The following PHKA1 variants were observed in gnomAD, a reference collection of about 807,000 sequenced individuals.
The protein encoded by PHKA1 is phosphorylase kinase regulatory subunit alpha 1.
A neutral mutation model predicts 110.2 loss-of-function variants in PHKA1; 60 were observed. The observed-to-expected ratio is 0.54, with a 90% CI of 0.44 to 0.68. The LOEUF (loss-of-function observed/expected upper bound fraction) is 0.68, where lower values mean the gene tolerates loss of function less well. Ranked by LOEUF, PHKA1 falls within the 30% of genes least tolerant of loss-of-function variation. PHKA1 has a pLI of 0.00. For synonymous variants in PHKA1, 316 were observed against 333.6 expected (o/e 0.95, Z 0.58); for missense variants, 801 against 942.5 (o/e 0.85, Z 1.97).
chrX:72,708,258 A>G (rs2054319431), intron 2 of PHKA1, among the ~76,000 whole-genome samples: 1 of 111,693 alleles, frequency 9.0e-6, no homozygotes, highest in African/African-American at 3.3e-5. Flanking sequence ...TACTTGATTC[A>G]CAGGGTATTG....
chrX:72,707,520 G>A (rs782454671), intron 2 of PHKA1, among the ~76,000 whole-genome samples: 1 of 110,459 alleles, frequency 9.1e-6, no homozygotes, highest in East Asian at 2.8e-4. Context: ...CTGAGAAAAA[G>A]GGGCAGAGGC....
chrX:72,621,233 G>A (rs990180494), intron 18 of PHKA1, among the ~76,000 whole-genome samples: 1 of 111,684 alleles, frequency 9.0e-6, no homozygotes, highest in Admixed American at 9.5e-5. Context: ...TAGTAATGGT[G>A]GCAGGGATGG....
intron 29 of PHKA1, among the ~76,000 whole-genome samples, chrX:72,584,733 CT>C (rs1325452974): frequency 5.0e-4 from 51 of 101,125 alleles, no homozygotes; most frequent in African/African-American, 1.3e-3. Context: ...AAAAGTTTTC[CT>C]TTTTTTTTTA....
At chrX:72,601,066 G>A (rs1556242109) in intron 28 of PHKA1, among the ~76,000 whole-genome samples, 1 of 110,893 alleles carries the variant, frequency 9.0e-6, no homozygotes, top group Non-Finnish European at 1.9e-5. Context: ...GTTTTAAAAA[G>A]AAGCTATGGA....
intron 11 of PHKA1, 103 bp downstream of exon 11, chrX:72,653,329 GAAC>G (rs1324293840): frequency 9.1e-6 from 5 of 550,347 alleles, no homozygotes; most frequent in Non-Finnish European, 1.3e-5. Flanking sequence ...CAAGCTTTCA[GAAC>G]AACAAAATAA....
rs58258630 is a variant in PHKA1, at chrX:72,627,248, T to TAGAC, written c.1715-200_1715-199insGTCT. On this transcript the variant is annotated intron_variant, in intron 16 of 31. Transcript: ENST00000373542. The stretch of plus-strand genomic sequence containing the variant: ...GTAAATGGTAAGGGATGATGACTGA[T>TAGAC]AGATTTCCTCAAAGGCATTATCTTA... 0.074 allele frequency among the ~76,000 whole-genome samples: 8,265 copies of TAGAC among 111,639 alleles called. 856 individuals carry two copies. Among genetic ancestry groups the TAGAC allele is most frequent in the East Asian group, 0.67 (2,299 of 3,446 alleles).
At chrX:72,640,653 CT>C (rs1556294721) in intron 14 of PHKA1, among the ~76,000 whole-genome samples, 1 of 111,717 alleles carries the variant, frequency 9.0e-6, no homozygotes, top group Admixed American at 9.5e-5. Flanking sequence ...CGATTGTTAT[CT>C]TTTTCCTTTG....
intron 21 of PHKA1, among the ~76,000 whole-genome samples, chrX:72,616,343 G>C (rs2052897179): frequency 8.9e-6 from 1 of 112,069 alleles, no homozygotes; most frequent in South Asian, 3.8e-4. Flanking sequence ...ACTCCAGCCT[G>C]GCTGACAGAG....
At chrX:72,619,492 TTAA>T (rs1469994061) in intron 19 of PHKA1, among the ~76,000 whole-genome samples, 187 bp from the exon 20 acceptor site, 1 of 112,186 alleles carries the variant, frequency 8.9e-6, no homozygotes, top group Non-Finnish European at 1.9e-5. Context: ...TAATGTGCAA[TTAA>T]TAAGTATATT....
At chrX:72,674,879 T>C (rs1047063584) in intron 6 of PHKA1, among the ~76,000 whole-genome samples, 2 of 111,455 alleles carry the variant, frequency 1.8e-5, no homozygotes, top group Non-Finnish European at 3.8e-5. Context: ...GGTTATGTTG[T>C]TCAGTGCACT....
chrX:72,702,718 T>G (rs1556330301), intron 3 of PHKA1, among the ~76,000 whole-genome samples: 1 of 111,640 alleles, frequency 9.0e-6, no homozygotes, highest in East Asian at 2.8e-4. Context: ...CAGAGATTCA[T>G]TTTCTTGTAA....
intron 26 of PHKA1, among the ~76,000 whole-genome samples, chrX:72,602,485 C>T (rs1371589229): frequency 1.8e-5 from 2 of 111,843 alleles, no homozygotes; most frequent in Non-Finnish European, 3.8e-5. Context: ...CCCAGATCTA[C>T]TGAATCAAAA....
intron 23 of PHKA1, among the ~76,000 whole-genome samples, chrX:72,605,916 T>C (rs1425681155): frequency 8.9e-6 from 1 of 112,524 alleles, no homozygotes; most frequent in Non-Finnish European, 1.9e-5. Flanking sequence ...CTTTCATAGT[T>C]AGCTTTGAAC....
chrX:72,684,181 A>G (rs782305067), intron 5 of PHKA1, among the ~76,000 whole-genome samples: 15 of 112,201 alleles, frequency 1.3e-4, no homozygotes, highest in Non-Finnish European at 2.4e-4. Context: ...CAACCTAGCT[A>G]TCTTGCTCTT....
At chrX:72,681,411 C>T (rs1803864141) in intron 5 of PHKA1, among the ~76,000 whole-genome samples, 1 of 112,656 alleles carries the variant, frequency 8.9e-6, no homozygotes, top group African/African-American at 3.2e-5. Flanking sequence ...GGTCAGCCCC[C>T]CGCCCGGCCA....
intron 14 of PHKA1, among the ~76,000 whole-genome samples, chrX:72,637,512 C>A (rs913440779): frequency 8.9e-6 from 1 of 111,853 alleles, no homozygotes; most frequent in Non-Finnish European, 1.9e-5. Flanking sequence ...CAATGCTGCA[C>A]ATTGATGTAG....
chrX:72,631,660 T>C (rs2147728256), intron 16 of PHKA1, among the ~76,000 whole-genome samples: 1 of 110,124 alleles, frequency 9.1e-6, no homozygotes, highest in South Asian at 4.0e-4. Context: ...TAGCTTCCAG[T>C]CCAGGACATA....
chrX:72,584,794 C>T (rs1309780208), intron 29 of PHKA1, among the ~76,000 whole-genome samples: 4 of 108,096 alleles, frequency 3.7e-5, no homozygotes, highest in Non-Finnish European at 7.7e-5. Context: ...GGTACATGTG[C>T]ACAACGTGCA....
At position 72,593,065 on chromosome X, in the gene PHKA1, A is replaced by AG. The variant is rs782709783; in HGVS notation, c.3243+38dup. 449 of 926,355 alleles carry AG rather than the reference A, an allele frequency of 4.8e-4. 3 individuals carry two copies. In the South Asian group the frequency reaches 6.8e-3, roughly 14 times the overall value. 76.3% of individuals were successfully genotyped at this position (926,355 alleles called of 1,213,427 possible). On this transcript the variant is annotated intron_variant, in intron 29 of 31. Transcript: ENST00000373542. ...TCTGCCAAGGAGACTGAGAATTTCA[A>AG]GGGGCAAAAATGAGACATCAACAAT...
Sources: allele counts gnomAD v4.1 joint callset (sites outside exome capture counted in the v4.1 genomes callset), GRCh38; gene constraint gnomAD v4.1.1; transcripts MANE v1.5; gene names NCBI Gene and HGNC (gene_info 2026-07-23, HGNC 2026-07-21).